The following UNC5D variants were observed in gnomAD, a reference collection of about 807,000 sequenced individuals.
UNC5D encodes the protein unc-5 netrin receptor D, also known as netrin receptor UNC5D.
UNC5D carries 39 observed loss-of-function variants against 105.4 expected under a neutral mutation model. The ratio of observed to expected loss-of-function variants is 0.37; its 90% CI spans 0.29 to 0.48. The LOEUF is 0.48. UNC5D is among the 20% of genes least tolerant of loss of function. UNC5D has a pLI of 0.98. For synonymous variants in UNC5D, 452 were observed against 450.4 expected (o/e 1.00, Z -0.04); for missense variants, 991 against 1,202.4 (o/e 0.82, Z 2.60).
chr8:35,288,984 A>G (rs952277419), intron 1 of UNC5D, among the ~76,000 whole-genome samples: 3 of 152,194 alleles, frequency 2.0e-5, no homozygotes, highest in Non-Finnish European at 1.5e-5. Context: ...TTACAAAAAG[A>G]CAGTAGCAGG....
chr8:35,625,128 G>A (rs1821626809), intron 4 of UNC5D, among the ~76,000 whole-genome samples: 1 of 152,098 alleles, frequency 6.6e-6, no homozygotes, highest in Non-Finnish European at 1.5e-5. Flanking sequence ...CCGTTGTGAT[G>A]AGCTGTACAG....
At chr8:35,416,993 T>C (rs1227606859) in intron 1 of UNC5D, among the ~76,000 whole-genome samples, 1 of 152,142 alleles carries the variant, frequency 6.6e-6, no homozygotes, top group Non-Finnish European at 1.5e-5. Context: ...ATCAAGTACA[T>C]GAGATGTTTT....
At position 35,383,086 on chromosome 8, in the gene UNC5D, G is replaced by C. The variant is rs548473382; in HGVS notation, c.103+147199G>C. ...CGCTTTACAGTTTAAAGAACACTTT[G>C]ATATCAATGATCACATTAAAGTAAT... On this transcript the variant is annotated intron_variant, in intron 1 of 16. Transcript: ENST00000404895. 5.3e-5 allele frequency among the ~76,000 whole-genome samples: 8 copies of C among 152,244 alleles called. No homozygotes were observed. The South Asian group carries it at 1.2e-3, about 24-fold the overall frequency.
rs551286574 is a variant in UNC5D, at chr8:35,371,330, A to C, written c.103+135443A>C. On this transcript the variant is annotated intron_variant, in intron 1 of 16. Coordinates refer to ENST00000404895, the MANE Select transcript of UNC5D (RefSeq NM_080872.4). The stretch of plus-strand genomic sequence containing the variant: ...ATGATTATAACATCTTGGTCCCATT[A>C]ATATAGAAAAGAAAAATAACAGTGT... Among the ~76,000 whole-genome samples the C allele has an allele frequency of 4.6e-5, 7 of 152,260 alleles. 1 individual carries two copies. Among genetic ancestry groups the C allele is most frequent in the African/African-American group, 1.7e-4 (7 of 41,560 alleles).
At chr8:35,719,254 G>T (rs765344264) in intron 8 of UNC5D, among the ~76,000 whole-genome samples, 8 of 151,300 alleles carry the variant, frequency 5.3e-5, no homozygotes, top group South Asian at 2.1e-4. Flanking sequence ...GGCCAGTACT[G>T]AACACATGAA....
chr8:35,389,672 G>A (rs1394645148), intron 1 of UNC5D, among the ~76,000 whole-genome samples: 1 of 148,076 alleles, frequency 6.8e-6, no homozygotes, highest in Non-Finnish European at 1.5e-5. Context: ...TTGCGGTATA[G>A]AAAGGATTTT....
chr8:35,726,796 T>TC, intron 10 of UNC5D: 1 of 501,376 alleles, frequency 2.0e-6, no homozygotes, highest in South Asian at 2.9e-5. Context: ...AAGGTTTGGG[T>TC]AGTCCCCAGG....
Position 35,792,395 on chromosome 8 carries a change from C to T in UNC5D, c.*1832C>T, listed in dbSNP as rs1023572470. 7 of 152,256 alleles carry T rather than the reference C, an allele frequency of 4.6e-5. No homozygotes were observed. The highest frequency in any genetic ancestry group is 1.3e-4 in the Admixed American group (2 of 15,254). 9.4% of individuals were successfully genotyped at this position (152,256 alleles called of 1,614,324 possible). A position where few individuals can be genotyped will look rare whatever the true frequency, so the allele number is the denominator to read the frequency against. Reference sequence around the variant, plus strand: ...TGCTACATGTAATTCAAAAGCATCTCGCTTTTCTCAGGAACCAAAGGCTTA... The same window carrying T: ...TGCTACATGTAATTCAAAAGCATCTTGCTTTTCTCAGGAACCAAAGGCTTA... On this transcript the variant is annotated 3_prime_UTR_variant, in exon 17 of 17. Transcript: ENST00000404895.
At chr8:35,560,025 C>G (rs1046041474) in intron 2 of UNC5D, among the ~76,000 whole-genome samples, 1 of 152,224 alleles carries the variant, frequency 6.6e-6, no homozygotes, top group South Asian at 2.1e-4. Context: ...TACAACTAAA[C>G]CATCCAACGG....
intron 4 of UNC5D, among the ~76,000 whole-genome samples, chr8:35,665,757 C>T (rs1026722946): frequency 1.3e-5 from 2 of 149,680 alleles, no homozygotes; most frequent in Non-Finnish European, 3.0e-5. Flanking sequence ...TCAATAATGT[C>T]GATGTAAATT....
intron 1 of UNC5D, among the ~76,000 whole-genome samples, chr8:35,391,519 C>T (rs543611305): frequency 1.3e-5 from 2 of 152,252 alleles, no homozygotes; most frequent in Non-Finnish European, 2.9e-5. Flanking sequence ...TCCATGCCCC[C>T]AGTCTTCACA....
At chr8:35,581,771 A>G (rs557788616) in intron 3 of UNC5D, among the ~76,000 whole-genome samples, 1 of 152,160 alleles carries the variant, frequency 6.6e-6, no homozygotes, top group East Asian at 1.9e-4. Flanking sequence ...AAAAAAATTA[A>G]AAGAAAAAAA....
chr8:35,352,864 C>T (rs1354352813), intron 1 of UNC5D, among the ~76,000 whole-genome samples: 4 of 152,232 alleles, frequency 2.6e-5, no homozygotes, highest in Middle Eastern at 3.4e-3. Flanking sequence ...CCACCCGCCT[C>T]GTCCTCCCAA....
At chr8:35,240,752 AT>A (rs1802753114) in intron 1 of UNC5D, among the ~76,000 whole-genome samples, 1 of 152,212 alleles carries the variant, frequency 6.6e-6, no homozygotes, top group Admixed American at 6.5e-5. Context: ...CTCAAATGAT[AT>A]CTTTATTACT....
chr8:35,474,720 A>T (rs1285153870), intron 1 of UNC5D, among the ~76,000 whole-genome samples: 2 of 152,190 alleles, frequency 1.3e-5, no homozygotes, highest in South Asian at 4.2e-4. Context: ...TGACCTGCTT[A>T]GAACTGTATG....
chr8:35,406,752 A>G (rs1328877718), intron 1 of UNC5D, among the ~76,000 whole-genome samples: 1 of 152,170 alleles, frequency 6.6e-6, no homozygotes, highest in Non-Finnish European at 1.5e-5. Context: ...AAGTCTAAAG[A>G]ATGCTAGTGT....
rs1004805433 is a variant in UNC5D at position 35,792,967 on chromosome 8, G to T, written c.*2404G>T. On this transcript the variant is annotated 3_prime_UTR_variant, in exon 17 of 17. Transcript: ENST00000404895. ...TGAATGTCTGGAGTTACCTCCCATGGATTTTTTTTTCCTTTGGCCTGGGTT... is the reference window on the plus strand; with the variant it reads ...TGAATGTCTGGAGTTACCTCCCATGTATTTTTTTTTCCTTTGGCCTGGGTT... 3 of 452,774 alleles carry T rather than the reference G, an allele frequency of 6.6e-6. No homozygotes were observed. Among genetic ancestry groups the T allele is most frequent in the Non-Finnish European group, 1.3e-5 (3 of 226,042 alleles). 28.0% of individuals were successfully genotyped at this position (452,774 alleles called of 1,614,324 possible).
intron 1 of UNC5D, among the ~76,000 whole-genome samples, chr8:35,407,023 A>G (rs752865163): frequency 1.3e-5 from 2 of 152,156 alleles, no homozygotes; most frequent in Non-Finnish European, 2.9e-5. Context: ...AATGGACTGC[A>G]TATATGACCA....
intron 1 of UNC5D, among the ~76,000 whole-genome samples, chr8:35,522,648 C>T (rs1470560314): frequency 6.6e-6 from 1 of 152,108 alleles, no homozygotes; most frequent in African/African-American, 2.4e-5. Flanking sequence ...AGAACACTAA[C>T]CTCAATTGTA....
Sources: allele counts gnomAD v4.1 joint callset (sites outside exome capture counted in the v4.1 genomes callset), GRCh38; gene constraint gnomAD v4.1.1; transcripts MANE v1.5; gene names NCBI Gene and HGNC (gene_info 2026-07-23, HGNC 2026-07-21).